Variants in DEFA4 observed in about 807,000 individuals in gnomAD.
The protein encoded by DEFA4 is defensin alpha 4.
Under a neutral mutation model 4.4 loss-of-function variants are expected in DEFA4, and 8 were observed. The observed-to-expected ratio is 1.82, with a 90% CI of 1.07 to 3.29. The LOEUF (loss-of-function observed/expected upper bound fraction) is 3.29. Among genes scored for constraint, DEFA4 ranks in the 30% most tolerant of loss-of-function variants. The pLI is 0.00. For missense variants in DEFA4, 216 were observed against 127.0 expected, an observed-to-expected ratio of 1.70 and a Z score of -3.37; for synonymous variants, 77 against 46.5, an observed-to-expected ratio of 1.66 and a Z score of -2.67.
intron 1 of DEFA4, among the ~76,000 whole-genome samples, chr8:6,937,301 G>T (rs1808897778): frequency 6.6e-6 from 1 of 151,964 alleles, no homozygotes; most frequent in Non-Finnish European, 1.5e-5. Context: ...CCTGATAATG[G>T]GCCCTACTAT....
chr8:6,936,721 C>T lies in DEFA4; in HGVS notation c.172+7G>A. 1 of 1,585,916 alleles carries T rather than the reference C, an allele frequency of 6.3e-7. No homozygotes were observed. ...CTCGGTAGCTTTTTTATGCTGGCCTCTCTCACCTGAAACCTGAAGAGCAGA... is the reference window on the plus strand; with the variant it reads ...CTCGGTAGCTTTTTTATGCTGGCCTTTCTCACCTGAAACCTGAAGAGCAGA... On this transcript the variant is annotated splice_region_variant and intron_variant, in intron 2 of 2. Coordinates refer to ENST00000297435, the MANE Select transcript of DEFA4 (RefSeq NM_001925.3).
In DEFA4 at chr8:6,936,235, T is replaced by A. The variant is rs569428254; in HGVS notation, c.173-94A>T. Reference sequence around the variant, plus strand: ...GAGAAGTCACATGCTGGCTGACCGGTGATGCTGGCTGCATTAGTGCCGGTA... The same window carrying A: ...GAGAAGTCACATGCTGGCTGACCGGAGATGCTGGCTGCATTAGTGCCGGTA... On this transcript the variant is annotated intron_variant, in intron 2 of 2. Transcript: ENST00000297435. 58 of 1,528,984 alleles carry A rather than the reference T, an allele frequency of 3.8e-5. No homozygotes were observed. The African/African-American group carries it at 7.8e-4, about 20-fold the overall frequency. 94.7% of individuals were successfully genotyped at this position (1,528,984 alleles called of 1,614,324 possible).
chr8:6,936,775 A>G lies in DEFA4; in HGVS notation c.125T>C (p.Ile42Thr). ...TTTATCCCATGCAAAGGAAATAGAT[A>G]TGTCCTGGTCTTCTGGCCCACGCTG... Reference protein sequence around the residue: ...QEQRGPEDQDISISFAWDKSS... With the variant: ...QEQRGPEDQDTSISFAWDKSS... Residue 42 changes from isoleucine (I) to threonine (T), a missense_variant, in exon 2 of 3, where the codon ATA (isoleucine) becomes ACA (threonine). By Grantham distance (89) the Ile-to-Thr change is moderately conservative (BLOSUM62 -1). Transcript: ENST00000297435. 2 of 1,613,410 alleles carry G rather than the reference A, an allele frequency of 1.2e-6. No homozygotes were observed. Among genetic ancestry groups the G allele is most frequent in the Non-Finnish European group, 1.7e-6 (2 of 1,179,670 alleles).
At chr8:6,937,943 G>A (rs1041204701) in intron 1 of DEFA4, among the ~76,000 whole-genome samples, 2 of 152,172 alleles carry the variant, frequency 1.3e-5, no homozygotes, top group African/African-American at 4.8e-5. Context: ...AGGACCTGCA[G>A]AGGCTTCTCT....
chr8:6,936,103 A>G lies in DEFA4; in HGVS notation c.211T>C (p.Phe71Leu), dbSNP rs766489304. The G allele has an allele frequency of 6.2e-7, 1 of 1,614,058 alleles. No individual in the cohort carries two copies. Among genetic ancestry groups the G allele is most frequent in the Non-Finnish European group, 8.5e-7 (1 of 1,180,018 alleles). Residue 71 changes from phenylalanine (F) to leucine (L), a missense_variant, in exon 3 of 3, where the codon TTC (phenylalanine) becomes CTC (leucine). Coordinates refer to ENST00000297435, the MANE Select transcript of DEFA4 (RefSeq NM_001925.3). ...RGMVCSCRLV[F>L]CRRTELRVGN... is the part of the protein sequence containing the mutation. ...ACACGAAGTTCTGTTCGCCGGCAGA[A>G]TACTAATCTGCAAGAGCAGACCATG...
rs1808882113 is a variant in DEFA4 at position 6,936,915 on chromosome 8, G to A, written c.-12-4C>T. On this transcript the variant is annotated splice_polypyrimidine_tract_variant and splice_region_variant and intron_variant, in intron 1 of 2. Transcript: ENST00000297435. ...TAATCCTCATGGCTGGGGTGACCTG[G>A]AGGAGGGAGAGCAGGAGCAGCTGTG... is the stretch of plus-strand genomic sequence containing the variant. The A allele has an allele frequency of 1.3e-6, 2 of 1,570,410 alleles. No individual in the cohort carries two copies. The highest frequency in any genetic ancestry group is 4.6e-5 in the East Asian group (2 of 43,542).
intron 1 of DEFA4, among the ~76,000 whole-genome samples, chr8:6,937,372 T>C (rs896464059): frequency 6.6e-5 from 10 of 152,072 alleles, no homozygotes; most frequent in Non-Finnish European, 1.2e-4. Context: ...GAGTAACTCA[T>C]TGCAGGCTTC....
intron 1 of DEFA4, among the ~76,000 whole-genome samples, chr8:6,937,213 G>A (rs1377837792): frequency 1.3e-5 from 2 of 152,022 alleles, no homozygotes; most frequent in Non-Finnish European, 2.9e-5. Context: ...ATATTTCCTG[G>A]TTAAATCTTT....
chr8:6,936,294 A>G (rs370820668), intron 2 of DEFA4, among the ~76,000 whole-genome samples, 153 bp from the exon 3 acceptor site: 12 of 152,280 alleles, frequency 7.9e-5, no homozygotes, highest in African/African-American at 2.6e-4. Context: ...GAATAAATAC[A>G]CAGAGCAATG....
intron 1 of DEFA4, among the ~76,000 whole-genome samples, chr8:6,937,379 C>A (rs770281772): frequency 2.9e-4 from 44 of 152,046 alleles, no homozygotes; most frequent in Admixed American, 2.8e-3. Context: ...TCATTGCAGG[C>A]TTCTAGGTCA....
intron 2 of DEFA4, 112 bp from the exon 3 acceptor site, chr8:6,936,253 T>C: frequency 1.4e-6 from 2 of 1,402,064 alleles, no homozygotes; most frequent in Non-Finnish European, 2.0e-6. Flanking sequence ...GCTGCATTAG[T>C]GCCGGTAGCA....
intron 2 of DEFA4, among the ~76,000 whole-genome samples, 189 bp downstream of exon 2, chr8:6,936,539 A>T (rs1317876133): frequency 6.6e-6 from 1 of 152,158 alleles, no homozygotes; most frequent in Non-Finnish European, 1.5e-5. Flanking sequence ...CCTTGGAATC[A>T]AGTCTTTGGA....
intron 2 of DEFA4, 56 bp downstream of exon 2, chr8:6,936,672 C>T (rs1808864526): frequency 3.4e-6 from 5 of 1,468,338 alleles, no homozygotes; most frequent in African/African-American, 2.8e-5. Flanking sequence ...ATTCCAGAGC[C>T]CATCTCCCAT....
Position 6,936,063 on chromosome 8 carries a change from A to G in DEFA4, c.251T>C (p.Ile84Thr), listed in dbSNP as rs146967029. 1,057 of 1,613,992 alleles carry G rather than the reference A, an allele frequency of 6.5e-4. 5 individuals are homozygous for G. The African/African-American group carries it at 8.1e-3, about 12-fold the overall frequency. The change falls in exon 3 of 3, where the codon ATT becomes ACT. Residue 84 changes from isoleucine (I) to threonine (T), a missense_variant. Ile to Thr is a moderately conservative substitution (Grantham distance 89). Coordinates refer to ENST00000297435, the MANE Select transcript of DEFA4 (RefSeq NM_001925.3). ...GCAGTATGTGAAACTCACACCACCA[A>G]TGAGGCAGTTCCCAACACGAAGTTC... ...RTELRVGNCL[I>T]GGVSFTYCCT...
chr8:6,936,570 T>A (rs569367936), intron 2 of DEFA4, among the ~76,000 whole-genome samples, 158 bp downstream of exon 2: 1 of 152,260 alleles, frequency 6.6e-6, no homozygotes, highest in East Asian at 1.9e-4. Context: ...TACTTACATT[T>A]GTTTGTCTCT....
At position 6,935,988 on chromosome 8, in the gene DEFA4, C is replaced by T. The variant is rs768442361; in HGVS notation, c.*32G>A. On this transcript the variant is annotated 3_prime_UTR_variant, in exon 3 of 3. Coordinates refer to ENST00000297435, the MANE Select transcript of DEFA4 (RefSeq NM_001925.3). Reference sequence around the variant, plus strand: ...AGCTAACACCACCGATGATGGCGTTCCCAGCATGACATTCTCTTGGACAGC... The same window carrying T: ...AGCTAACACCACCGATGATGGCGTTTCCAGCATGACATTCTCTTGGACAGC... 1.9e-6 allele frequency: 3 copies of T among 1,612,090 alleles called. No individual in the cohort carries two copies. In the South Asian group the frequency reaches 3.3e-5, roughly 18 times the overall value.
chr8:6,936,130 C>G lies in DEFA4; in HGVS notation c.184G>C (p.Gly62Arg). Residue 62 changes from glycine (G) to arginine (R), a missense_variant, in exon 3 of 3, where the codon GGC (glycine) becomes CGC (arginine). Transcript: ENST00000297435. ...SALQVSGSTR[G>R]MVCSCRLVFC... ...ACTAATCTGCAAGAGCAGACCATGCCCCTTGTTGAGCCTGGGAACACAGAG... is the reference window on the plus strand; with the variant it reads ...ACTAATCTGCAAGAGCAGACCATGCGCCTTGTTGAGCCTGGGAACACAGAG... The G allele has an allele frequency of 6.2e-7, 1 of 1,613,964 alleles. No homozygotes were observed. The highest frequency in any genetic ancestry group is 8.5e-7 in the Non-Finnish European group (1 of 1,180,024).
At chr8:6,938,032 AC>A (rs1040477211) in intron 1 of DEFA4, among the ~76,000 whole-genome samples, 193 bp downstream of exon 1, 2 of 152,124 alleles carry the variant, frequency 1.3e-5, no homozygotes, top group African/African-American at 4.8e-5. Context: ...TTGGAAGGAA[AC>A]TTTTTGAGTT....
At position 6,936,753 on chromosome 8, in the gene DEFA4, A is replaced by T; in HGVS notation, c.147T>A (p.Asp49Glu). The T allele has an allele frequency of 6.2e-7, 1 of 1,610,682 alleles. No homozygotes were observed. Among genetic ancestry groups the T allele is most frequent in the Non-Finnish European group, 8.5e-7 (1 of 1,178,230 alleles). The stretch of plus-strand genomic sequence containing the variant: ...CTGAAACCTGAAGAGCAGAGCTTTT[A>T]TCCCATGCAAAGGAAATAGATATGT... ...DQDISISFAW[D>E]KSSALQVSGS... Residue 49 changes from aspartate to glutamate, a missense_variant, in exon 2 of 3, where the codon GAT becomes GAA. Transcript: ENST00000297435.
Sources: gnomAD v4.1 joint callset for allele counts (sites outside exome capture counted in the v4.1 genomes callset) on GRCh38, gnomAD v4.1.1 for gene constraint, MANE v1.5 for transcripts, NCBI Gene and HGNC (gene_info 2026-07-23, HGNC 2026-07-21) for gene names.